TESMIN: variants seen among roughly 807,000 people sequenced by gnomAD.
TESMIN encodes testis expressed metallothionein like protein, also known as CXC domain containing 2.
Under a neutral mutation model 47.4 loss-of-function variants are expected in TESMIN, and 34 were observed. The observed-to-expected ratio is 0.72, with a 90% CI of 0.55 to 0.96. TESMIN has a LOEUF of 0.96. TESMIN is among the 40% of genes least tolerant of loss of function. The pLI, the probability that TESMIN is intolerant of heterozygous loss-of-function variation, is 0.00. For synonymous variants in TESMIN, 278 were observed against 258.9 expected (o/e 1.07, Z -0.71); for missense variants, 610 against 637.2 (o/e 0.96, Z 0.46).
intron 8 of TESMIN, among the ~76,000 whole-genome samples, chr11:68,712,428 A>T (rs1045547198): frequency 6.6e-6 from 1 of 152,182 alleles, no homozygotes; most frequent in Non-Finnish European, 1.5e-5. Context: ...CTCAAGCCCA[A>T]CCCTCTGTGA....
intron 3 of TESMIN, among the ~76,000 whole-genome samples, chr11:68,746,297 C>G (rs1946519848): frequency 1.3e-5 from 2 of 152,198 alleles, no homozygotes; most frequent in South Asian, 4.1e-4. Context: ...AATGTGCTAA[C>G]ATCACTCTGC....
Position 68,750,655 on chromosome 11 carries a change from C to T in TESMIN, c.6G>A (p.Glu2=). The stretch of plus-strand genomic sequence containing the variant: ...GCAGCCCGCCCGGCAGAGGGCCCTC[C>T]TCCATGGCGCAGGGCGGCGGGGCGG... M[E]EGPLPGGLPS... is the part of the protein sequence containing the mutation. The change falls in exon 2 of 10, where the codon GAG becomes GAA. Residue 2 remains glutamate (E), a synonymous_variant. Transcript: ENST00000255087. 1.9e-6 allele frequency: 3 copies of T among 1,542,234 alleles called. No individual in the cohort carries two copies. In the African/African-American group the frequency reaches 4.2e-5, roughly 22 times the overall value.
At chr11:68,705,514 C>T (rs1945989281), downstream of TESMIN, among the ~76,000 whole-genome samples, 1 of 152,208 alleles carries the variant, frequency 6.6e-6, no homozygotes, top group Non-Finnish European at 1.5e-5. Flanking sequence ...TGCTCCCTGG[C>T]CGCCAGACTT....
intron 6 of TESMIN, among the ~76,000 whole-genome samples, chr11:68,726,876 G>A (rs974554691): frequency 2.6e-5 from 4 of 151,548 alleles, no homozygotes; most frequent in African/African-American, 7.3e-5. Context: ...TCAGGAGTTT[G>A]AGACCAGCCT....
At position 68,750,680 on chromosome 11, in the gene TESMIN, G is replaced by A. The variant is rs762679818; in HGVS notation, c.-20C>T. ...CTCCATGGCGCAGGGCGGCGGGGCGGGATGGCGGGGGCCGCGCACCTGCAA... is the reference window on the plus strand; with the variant it reads ...CTCCATGGCGCAGGGCGGCGGGGCGAGATGGCGGGGGCCGCGCACCTGCAA... On this transcript the variant is annotated 5_prime_UTR_variant, in exon 2 of 10. Transcript: ENST00000255087. 9.6e-6 allele frequency: 14 copies of A among 1,465,706 alleles called. No individual in the cohort carries two copies. Among genetic ancestry groups the A allele is most frequent in the Non-Finnish European group, 1.3e-5 (14 of 1,106,886 alleles). 90.8% of individuals were successfully genotyped at this position (1,465,706 alleles called of 1,614,324 possible).
chr11:68,708,471 A>C lies in TESMIN; in HGVS notation c.1364T>G (p.Val455Gly), dbSNP rs1594281967. 2 of 1,611,432 alleles carry C rather than the reference A, an allele frequency of 1.2e-6. No homozygotes were observed. The highest frequency in any genetic ancestry group is 1.7e-6 in the Non-Finnish European group (2 of 1,178,982). ...CAGGCAGGCGCATGTGGCCTCCACC[A>C]CCTCCCAGGAGATGCATGAGGAAGG... Reference protein sequence around the residue: ...RRPSSCISWEVVEATCACLLA... With the variant: ...RRPSSCISWEGVEATCACLLA... The change falls in exon 10 of 10, where the codon GTG becomes GGG. Residue 455 changes from valine (V) to glycine (G), a missense_variant. Transcript: ENST00000255087.
At chr11:68,734,800 A>G (rs1946368346) in intron 6 of TESMIN, among the ~76,000 whole-genome samples, 1 of 152,192 alleles carries the variant, frequency 6.6e-6, no homozygotes, top group Admixed American at 6.5e-5. Flanking sequence ...CCCTAAAGAG[A>G]GGCAAAGTCT....
At chr11:68,736,549 G>C in intron 6 of TESMIN, 1 of 985,402 alleles carries the variant, frequency 1.0e-6, no homozygotes, top group Non-Finnish European at 1.2e-6. Flanking sequence ...TATATCATCA[G>C]TATTGCAGAT....
chr11:68,737,127 C>T, intron 6 of TESMIN: 1 of 985,382 alleles, frequency 1.0e-6, no homozygotes, highest in Non-Finnish European at 1.2e-6. Flanking sequence ...AATGTATCAG[C>T]AGAATCTGGA....
chr11:68,720,834 A>G (rs1946195933), intron 6 of TESMIN, among the ~76,000 whole-genome samples: 1 of 152,250 alleles, frequency 6.6e-6, no homozygotes, highest in Admixed American at 6.5e-5. Context: ...TTTTAAAAAT[A>G]CAAATAAGTA....
intron 6 of TESMIN, among the ~76,000 whole-genome samples, chr11:68,724,631 C>T (rs182679571): frequency 7.7e-4 from 117 of 152,364 alleles, no homozygotes; most frequent in African/African-American, 2.7e-3. Context: ...ACTTGCCCTC[C>T]TGTTTTCTCT....
intron 6 of TESMIN, among the ~76,000 whole-genome samples, chr11:68,730,000 C>T (rs1946308461): frequency 6.6e-6 from 1 of 152,206 alleles, no homozygotes; most frequent in East Asian, 1.9e-4. Flanking sequence ...CCCCAGCCTT[C>T]AGTCCTCCAC....
intron 3 of TESMIN, among the ~76,000 whole-genome samples, chr11:68,745,777 C>T (rs1946512974): frequency 6.6e-6 from 1 of 152,170 alleles, no homozygotes; most frequent in Non-Finnish European, 1.5e-5. Flanking sequence ...GGATACTGAC[C>T]ATAAATAAAT....
At chr11:68,716,956 C>G (rs1273855065) in intron 6 of TESMIN, among the ~76,000 whole-genome samples, 2 of 152,196 alleles carry the variant, frequency 1.3e-5, no homozygotes, top group Non-Finnish European at 2.9e-5. Context: ...GCCGCCTTCT[C>G]CCCATGTGCC....
intron 6 of TESMIN, among the ~76,000 whole-genome samples, chr11:68,726,245 G>C (rs184329904): frequency 4.6e-5 from 7 of 152,272 alleles, no homozygotes; most frequent in African/African-American, 9.6e-5. Flanking sequence ...GGAAATGTGT[G>C]TGTGATCCTG....
chr11:68,731,378 C>T (rs1946324946), intron 6 of TESMIN, among the ~76,000 whole-genome samples: 2 of 151,656 alleles, frequency 1.3e-5, no homozygotes, highest in African/African-American at 4.9e-5. Context: ...CAGTAAGCTA[C>T]GATTGAGCCA....
intron 8 of TESMIN, among the ~76,000 whole-genome samples, chr11:68,711,410 T>A (rs1946069554): frequency 6.9e-6 from 1 of 145,544 alleles, no homozygotes; most frequent in African/African-American, 2.5e-5. Context: ...AATGTGTGTG[T>A]GACTGTGTGT....
At chr11:68,705,103 G>C (rs984041998), downstream of TESMIN, among the ~76,000 whole-genome samples, 1 of 152,142 alleles carries the variant, frequency 6.6e-6, no homozygotes, top group African/African-American at 2.4e-5. Context: ...AGGACTCCTG[G>C]GGAGAGAGTG....
At chr11:68,747,771 C>T (rs10896364) in intron 2 of TESMIN, among the ~76,000 whole-genome samples, 92,935 of 152,032 alleles carry the variant, frequency 0.61, 29,639 homozygotes, top group East Asian at 0.78. Flanking sequence ...AATAGTAGGA[C>T]AACAAACATG....
Sources: allele counts gnomAD v4.1 joint callset (sites outside exome capture counted in the v4.1 genomes callset), GRCh38; gene constraint gnomAD v4.1.1; transcripts MANE v1.5; gene names NCBI Gene and HGNC (gene_info 2026-07-23, HGNC 2026-07-21).